PCDH15: variants seen among roughly 807,000 people sequenced by gnomAD.
PCDH15 encodes protocadherin related 15, also known as protocadherin-15.
Under a neutral mutation model 178.5 loss-of-function variants are expected in PCDH15, and 129 were observed. The observed-to-expected ratio is 0.72, with a 90% CI of 0.63 to 0.84. The LOEUF (loss-of-function observed/expected upper bound fraction) is 0.84, where lower values mean the gene tolerates loss of function less well. Ranked by LOEUF, PCDH15 falls within the 40% of genes least tolerant of loss-of-function variation. The pLI, the probability that PCDH15 is intolerant of heterozygous loss-of-function variation, is 0.00. For missense variants in PCDH15, 2,230 were observed against 2,099.9 expected (o/e 1.06, Z -1.21); for synonymous variants, 800 against 732.0 (o/e 1.09, Z -1.50).
chr10:54,160,236 G>A (rs1034482279), intron 13 of PCDH15, among the ~76,000 whole-genome samples: 4 of 152,034 alleles, frequency 2.6e-5, no homozygotes, highest in Admixed American at 2.0e-4. Flanking sequence ...TCACACTACT[G>A]AAAATGGCAC....
At chr10:55,591,600 T>A (rs995821822) in intron 2 of PCDH15, among the ~76,000 whole-genome samples, 1 of 152,148 alleles carries the variant, frequency 6.6e-6, no homozygotes, top group Non-Finnish European at 1.5e-5. Flanking sequence ...AGGAATATCC[T>A]ATTTGACAAA....
chr10:55,223,525 C>T (rs1419556105), intron 1 of PCDH15, among the ~76,000 whole-genome samples: 1 of 152,072 alleles, frequency 6.6e-6, no homozygotes, highest in East Asian at 1.9e-4. Context: ...TTCCTGCCTC[C>T]TGGAAACTGG....
intron 13 of PCDH15, among the ~76,000 whole-genome samples, chr10:54,182,093 G>A (rs1053028561): frequency 1.3e-5 from 2 of 152,090 alleles, no homozygotes; most frequent in African/African-American, 4.8e-5. Flanking sequence ...GAGTAGCTGG[G>A]ACTACAGGCG....
intron 2 of PCDH15, among the ~76,000 whole-genome samples, chr10:55,557,482 A>C (rs186460936): frequency 6.6e-6 from 1 of 152,292 alleles, no homozygotes; most frequent in East Asian, 1.9e-4. Context: ...GCCAGAAGTG[A>C]TGAATTCAAG....
intron 21 of PCDH15, among the ~76,000 whole-genome samples, chr10:53,987,478 A>G (rs2091187221): frequency 6.6e-6 from 1 of 152,204 alleles, no homozygotes; most frequent in South Asian, 2.1e-4. Flanking sequence ...GAAAATATAA[A>G]TGGCTGTTTA....
chr10:53,944,769 G>A, intron 23 of PCDH15, among the ~76,000 whole-genome samples: 1 of 152,194 alleles, frequency 6.6e-6, no homozygotes, highest in East Asian at 1.9e-4. Context: ...CTAAGAGGAT[G>A]CTAAAGGAAA....
intron 3 of PCDH15, among the ~76,000 whole-genome samples, chr10:54,454,460 TTTAA>T (rs1420601803): frequency 1.5e-4 from 23 of 149,034 alleles, no homozygotes; most frequent in Admixed American, 1.3e-3. Flanking sequence ...TTAATTAATT[TTTAA>T]TTAATAATTA....
chr10:53,873,105 C>T (rs774715311), intron 26 of PCDH15, among the ~76,000 whole-genome samples: 1 of 152,184 alleles, frequency 6.6e-6, no homozygotes, highest in Non-Finnish European at 1.5e-5. Flanking sequence ...AGTCCACACT[C>T]GTGACACTAG....
intron 1 of PCDH15, among the ~76,000 whole-genome samples, chr10:55,319,263 G>A (rs1412798478): frequency 6.6e-6 from 1 of 151,936 alleles, no homozygotes; most frequent in Non-Finnish European, 1.5e-5. Flanking sequence ...GAGAATTTGG[G>A]TACTGGAATT....
At chr10:53,996,110 T>C (rs571860355) in intron 20 of PCDH15, among the ~76,000 whole-genome samples, 1 of 152,300 alleles carries the variant, frequency 6.6e-6, no homozygotes, top group African/African-American at 2.4e-5. Flanking sequence ...CAAGTTTCTT[T>C]AAAAGCTACA....
chr10:55,086,153 T>A (rs1272877767), intron 2 of PCDH15, among the ~76,000 whole-genome samples: 1 of 151,912 alleles, frequency 6.6e-6, no homozygotes, highest in Non-Finnish European at 1.5e-5. Flanking sequence ...CTGATTTAAT[T>A]TACCTGGCAA....
Position 54,166,759 on chromosome 10 carries a change from A to C in PCDH15, c.1591-13466T>G, listed in dbSNP as rs1042748363. ...CCCAGATGGCCTGAAGTAACTGAAG[A>C]ATCACAAAAGAAGTGAATATGCCCT... On this transcript the variant is annotated intron_variant, in intron 13 of 37. Transcript: ENST00000644397. 2.3e-5 allele frequency among the ~76,000 whole-genome samples: 3 copies of C among 130,490 alleles called. No individual in the cohort carries two copies. The East Asian group carries it at 5.9e-4, about 26-fold the overall frequency. 85.6% of individuals were successfully genotyped at this position (130,490 alleles called of 152,430 possible). A position where few individuals can be genotyped will look rare whatever the true frequency, so the allele number is the denominator to read the frequency against.
At chr10:54,238,760 C>T (rs1020789004) in intron 8 of PCDH15, among the ~76,000 whole-genome samples, 37 of 149,030 alleles carry the variant, frequency 2.5e-4, no homozygotes, top group African/African-American at 9.2e-4. Flanking sequence ...TGTATTTCTC[C>T]CTAAACTGAA....
chr10:54,903,509 A>C (rs1356796908), intron 2 of PCDH15, among the ~76,000 whole-genome samples: 2 of 152,162 alleles, frequency 1.3e-5, no homozygotes, highest in East Asian at 3.9e-4. Flanking sequence ...TGTAACTACA[A>C]AAACAAAATG....
intron 8 of PCDH15, among the ~76,000 whole-genome samples, chr10:54,283,280 C>T (rs187526562): frequency 1.1e-3 from 161 of 152,252 alleles, no homozygotes; most frequent in African/African-American, 3.8e-3. Flanking sequence ...CCTTCAACTT[C>T]TCATTATTTC....
chr10:55,337,199 A>G (rs1365499195), intron 2 of PCDH15, among the ~76,000 whole-genome samples: 1 of 152,212 alleles, frequency 6.6e-6, no homozygotes, highest in Non-Finnish European at 1.5e-5. Context: ...ATGAAAAATA[A>G]AATAGGCAGA....
chr10:54,743,298 T>C (rs1420562199), intron 1 of PCDH15, among the ~76,000 whole-genome samples: 1 of 152,108 alleles, frequency 6.6e-6, no homozygotes, highest in African/African-American at 2.4e-5. Flanking sequence ...ACTATTGAAA[T>C]CTGAGACATA....
chr10:54,517,799 A>G (rs1310061613), intron 3 of PCDH15, among the ~76,000 whole-genome samples: 1 of 152,166 alleles, frequency 6.6e-6, no homozygotes, highest in Non-Finnish European at 1.5e-5. Flanking sequence ...AAAATTGACC[A>G]CATAGTTGGA....
At chr10:55,173,096 T>A (rs1839383209) in intron 1 of PCDH15, among the ~76,000 whole-genome samples, 1 of 151,848 alleles carries the variant, frequency 6.6e-6, no homozygotes, top group Non-Finnish European at 1.5e-5. Flanking sequence ...GGGACATGTA[T>A]CAATTCTGCA....
Sources: gnomAD v4.1 joint callset for allele counts (sites outside exome capture counted in the v4.1 genomes callset) on GRCh38, gnomAD v4.1.1 for gene constraint, MANE v1.5 for transcripts, NCBI Gene and HGNC (gene_info 2026-07-23, HGNC 2026-07-21) for gene names.